Variants in RYR3 observed in about 807,000 individuals in gnomAD.
RYR3 encodes ryanodine receptor 3.
Under a neutral mutation model 584.3 loss-of-function variants are expected in RYR3, and 207 were observed. The ratio of observed to expected loss-of-function variants is 0.35; its 90% CI spans 0.32 to 0.40. The LOEUF (loss-of-function observed/expected upper bound fraction) is 0.40, where lower values mean the gene tolerates loss of function less well. Among genes scored for constraint, RYR3 ranks in the 10% least tolerant of loss-of-function variants. RYR3 has a pLI of 1.00. For missense variants in RYR3, 5,616 were observed against 6,089.2 expected (o/e 0.92, Z 2.59); for synonymous variants, 2,416 against 2,248.5 (o/e 1.07, Z -2.11).
At chr15:33,488,861 CA>C (rs201160001) in intron 2 of RYR3, among the ~76,000 whole-genome samples, 1,673 of 152,148 alleles carry the variant, frequency 0.011, 11 homozygotes, top group South Asian at 0.022. Context: ...AAAAAACAAA[CA>C]AACAAACAAA....
intron 60 of RYR3, 149 bp from the exon 61 acceptor site, chr15:33,768,509 A>T (rs909828896): frequency 1.4e-5 from 10 of 705,810 alleles, no homozygotes; most frequent in Non-Finnish European, 2.6e-5. Flanking sequence ...TGTGGACCAG[A>T]GGATTCTTTG....
chr15:33,860,773 A>C, intron 101 of RYR3, 114 bp downstream of exon 101: 1 of 858,982 alleles, frequency 1.2e-6, no homozygotes, highest in Non-Finnish European at 1.8e-6. Context: ...GCAAGAACGC[A>C]GTTTGTTTTC....
chr15:33,385,506 A>G (rs1398250960), intron 1 of RYR3, among the ~76,000 whole-genome samples: 1 of 152,182 alleles, frequency 6.6e-6, no homozygotes, highest in Non-Finnish European at 1.5e-5. Flanking sequence ...CTCCAAAGTT[A>G]AAAAGTACTT....
chr15:33,330,162 G>A (rs940801212), intron 1 of RYR3, among the ~76,000 whole-genome samples: 5 of 152,172 alleles, frequency 3.3e-5, no homozygotes, highest in Non-Finnish European at 5.9e-5. Flanking sequence ...TCAAAGTGGC[G>A]GTGCTTGTTG....
At chr15:33,378,681 A>G (rs555806623) in intron 1 of RYR3, among the ~76,000 whole-genome samples, 1 of 152,378 alleles carries the variant, frequency 6.6e-6, no homozygotes, top group South Asian at 2.1e-4. Flanking sequence ...ATATGTTTTA[A>G]GGCCATGTGC....
intron 70 of RYR3, among the ~76,000 whole-genome samples, chr15:33,810,249 A>G (rs116326741): frequency 0.011 from 1,642 of 152,316 alleles, 24 homozygotes; most frequent in African/African-American, 0.037. Context: ...GTGTTTAGTT[A>G]TGTGGCTCTG....
At chr15:33,653,699 A>C (rs2062638890) in intron 32 of RYR3, among the ~76,000 whole-genome samples, 1 of 152,016 alleles carries the variant, frequency 6.6e-6, no homozygotes, top group African/African-American at 2.4e-5. Flanking sequence ...TTATATAAAC[A>C]ATGTGTTTCC....
intron 36 of RYR3, 92 bp downstream of exon 36, chr15:33,663,829 C>A: frequency 1.8e-6 from 2 of 1,101,494 alleles, no homozygotes; most frequent in Non-Finnish European, 2.6e-6. Flanking sequence ...GTCTCTGGGG[C>A]AGCCTCAAGA....
intron 1 of RYR3, among the ~76,000 whole-genome samples, chr15:33,437,101 T>TGA (rs1369654423): frequency 6.9e-6 from 1 of 145,132 alleles, no homozygotes; most frequent in African/African-American, 2.7e-5. Flanking sequence ...TGAGTGTGTG[T>TGA]GAGAGAGAGA....
In RYR3 at chr15:33,660,315, A is replaced by G; in HGVS notation, c.4514A>G (p.Asn1505Ser). The G allele has an allele frequency of 1.3e-6, 2 of 1,585,896 alleles. No homozygotes were observed. Among genetic ancestry groups the G allele is most frequent in the Non-Finnish European group, 1.7e-6 (2 of 1,166,378 alleles). The stretch of plus-strand genomic sequence containing the variant: ...CCCGTGCTCTGGAGCCGCATGCCCA[A>G]CAGCTTCCTGAAGGTGGAGACCGAG... Reference protein sequence around the residue: ...IQPVLWSRMPNSFLKVETERV... With the variant: ...IQPVLWSRMPSSFLKVETERV... Residue 1505 changes from asparagine to serine, a missense_variant, in exon 34 of 104, where the codon AAC (asparagine) becomes AGC (serine). Coordinates refer to ENST00000634891, the MANE Select transcript of RYR3 (RefSeq NM_001036.6).
At chr15:33,613,836 C>T (rs879595254) in intron 19 of RYR3, among the ~76,000 whole-genome samples, 6 of 152,110 alleles carry the variant, frequency 3.9e-5, no homozygotes, top group Non-Finnish European at 7.4e-5. Flanking sequence ...TCTTGATTAT[C>T]TTTTATTCAA....
rs2066873840 is a variant in RYR3 at position 33,708,495 on chromosome 15, A to G, written c.6619+1441A>G. ...GGGTTAGGTACAACAATATTGAACTAAACTCTAGACCAAAAGGTTTGGTCC... is the reference window on the plus strand; with the variant it reads ...GGGTTAGGTACAACAATATTGAACTGAACTCTAGACCAAAAGGTTTGGTCC... On this transcript the variant is annotated intron_variant, in intron 43 of 103. Coordinates refer to ENST00000634891, the MANE Select transcript of RYR3 (RefSeq NM_001036.6). Among the ~76,000 whole-genome samples the G allele has an allele frequency of 2.0e-5, 3 of 152,182 alleles. No homozygotes were observed. The South Asian group carries it at 6.2e-4, about 32-fold the overall frequency.
chr15:33,556,303 C>T (rs986908421), intron 10 of RYR3, among the ~76,000 whole-genome samples: 2 of 152,102 alleles, frequency 1.3e-5, no homozygotes, highest in Non-Finnish European at 2.9e-5. Flanking sequence ...ACAACTCAAC[C>T]ATCTCCAGCC....
intron 31 of RYR3, 139 bp from the exon 32 acceptor site, chr15:33,652,579 A>G: frequency 3.6e-6 from 3 of 823,394 alleles, no homozygotes; most frequent in Non-Finnish European, 5.7e-6. Flanking sequence ...TCATTTAAGG[A>G]AAAAAAAGTA....
chr15:33,567,994 G>A (rs2057807493), intron 12 of RYR3, among the ~76,000 whole-genome samples: 1 of 152,194 alleles, frequency 6.6e-6, no homozygotes, highest in African/African-American at 2.4e-5. Context: ...TCAAATGCCA[G>A]TATTTTATTG....
At position 33,533,327 on chromosome 15, in the gene RYR3, C is replaced by CTACATCAAGATCCCAGACAGACAA; in HGVS notation, c.372_395dup (p.Asp131_Lys132insAsnThrSerArgSerGlnThrAsp). 1 of 1,605,638 alleles carries CTACATCAAGATCCCAGACAGACAA rather than the reference C, an allele frequency of 6.2e-7. No homozygotes were observed. Among genetic ancestry groups the CTACATCAAGATCCCAGACAGACAA allele is most frequent in the Non-Finnish European group, 8.5e-7 (1 of 1,175,632 alleles). On this transcript the variant is annotated inframe_insertion, in exon 5 of 104. Coordinates refer to ENST00000634891, the MANE Select transcript of RYR3 (RefSeq NM_001036.6). ...CTTTCACAGTATCTAACATGCTTGACTACATCAAGATCCCAGACAGACAAA... is the reference window on the plus strand; with the variant it reads ...CTTTCACAGTATCTAACATGCTTGACTACATCAAGATCCCAGACAGACAATACATCAAGATCCCAGACAGACAAA...
intron 1 of RYR3, among the ~76,000 whole-genome samples, chr15:33,358,602 G>T (rs867878550): frequency 2.8e-5 from 4 of 141,504 alleles, no homozygotes; most frequent in East Asian, 2.2e-4. Flanking sequence ...CCCCACAAAA[G>T]ATTTGATTTA....
intron 36 of RYR3, among the ~76,000 whole-genome samples, chr15:33,665,683 T>C (rs1656630368): frequency 6.6e-6 from 1 of 152,248 alleles, no homozygotes; most frequent in Non-Finnish European, 1.5e-5. Flanking sequence ...TTAGATCCAC[T>C]GCCAGTCTAA....
chr15:33,509,779 A>G (rs2052808089), intron 3 of RYR3, among the ~76,000 whole-genome samples: 1 of 152,164 alleles, frequency 6.6e-6, no homozygotes, highest in Non-Finnish European at 1.5e-5. Context: ...CAAGCTGTCC[A>G]AGAACATCCT....
Sources: gnomAD v4.1 joint callset for allele counts (sites outside exome capture counted in the v4.1 genomes callset) on GRCh38, gnomAD v4.1.1 for gene constraint, MANE v1.5 for transcripts, NCBI Gene and HGNC (gene_info 2026-07-23, HGNC 2026-07-21) for gene names.